The following SDHB variants were observed in gnomAD, a reference collection of about 807,000 sequenced individuals.
SDHB encodes succinate dehydrogenase complex iron sulfur subunit B, also known as succinate dehydrogenase [ubiquinone] iron-sulfur subunit, mitochondrial.
SDHB carries 21 observed loss-of-function variants against 39.7 expected under a neutral mutation model. The observed-to-expected ratio is 0.53, with a 90% confidence interval of 0.37 to 0.76. The LOEUF (loss-of-function observed/expected upper bound fraction) is 0.76, where lower values mean the gene tolerates loss of function less well. Ranked by LOEUF, SDHB falls within the 30% of genes least tolerant of loss-of-function variation. The pLI is 0.00. For missense variants in SDHB, 343 were observed against 350.9 expected, an observed-to-expected ratio of 0.98 and a Z score of 0.18; for synonymous variants, 118 against 117.0, an observed-to-expected ratio of 1.01 and a Z score of -0.06.
Position 17,023,926 on chromosome 1 carries a change from G to A in SDHB, c.642+47C>T, listed in dbSNP as rs201882049. ...AATCTATTGTCCTCTTGGACTTCTG[G>A]ATGCTTGAGTTTCAATTTCTCTTAA... On this transcript the variant is annotated intron_variant, in intron 6 of 7. Transcript: ENST00000375499. 6.8e-5 allele frequency: 97 copies of A among 1,422,140 alleles called. No homozygotes were observed. The highest frequency in any genetic ancestry group is 6.8e-5 in the East Asian group (3 of 44,006). The allele number at this position is 1,422,140 out of a possible 1,614,324, so 88.1% of individuals were successfully genotyped here.
At chr1:17,022,106 C>T (rs1290060548) in intron 7 of SDHB, among the ~76,000 whole-genome samples, 2 of 152,088 alleles carry the variant, frequency 1.3e-5, no homozygotes, top group Non-Finnish European at 1.5e-5. Flanking sequence ...AAAATCCAGG[C>T]CAGAGTGAGC....
chr1:17,050,909 C>A (rs1280273076), intron 1 of SDHB, among the ~76,000 whole-genome samples: 1 of 152,188 alleles, frequency 6.6e-6, no homozygotes, highest in Non-Finnish European at 1.5e-5. Context: ...TAATCTGTCA[C>A]ACACGGTGCC....
chr1:17,032,291 C>T (rs564643520), intron 3 of SDHB, among the ~76,000 whole-genome samples: 87 of 151,762 alleles, frequency 5.7e-4, no homozygotes, highest in Middle Eastern at 6.8e-3. Flanking sequence ...CTCCACCTCC[C>T]GGGTTCCTGC....
intron 7 of SDHB, among the ~76,000 whole-genome samples, chr1:17,020,882 G>C (rs921764004): frequency 2.0e-5 from 3 of 152,146 alleles, no homozygotes; most frequent in African/African-American, 7.2e-5. Flanking sequence ...AAACACAGAG[G>C]GTTTCCAGGC....
chr1:17,042,957 T>TTTTG (rs2078089504), intron 2 of SDHB, among the ~76,000 whole-genome samples: 1 of 86,522 alleles, frequency 1.2e-5, no homozygotes, highest in South Asian at 3.8e-4. Flanking sequence ...TTTATGAGTT[T>TTTTG]TTTTTTTTTT....
chr1:17,044,330 T>A (rs1200492110), intron 2 of SDHB, among the ~76,000 whole-genome samples: 1 of 151,938 alleles, frequency 6.6e-6, no homozygotes, highest in East Asian at 1.9e-4. Flanking sequence ...ACCTCATTTT[T>A]TTTTTTTTTT....
chr1:17,033,891 C>T (rs1035404208), intron 2 of SDHB, among the ~76,000 whole-genome samples: 1 of 152,206 alleles, frequency 6.6e-6, no homozygotes, highest in Non-Finnish European at 1.5e-5. Flanking sequence ...TAATAATCAT[C>T]ATGCAGAAAC....
intron 2 of SDHB, among the ~76,000 whole-genome samples, chr1:17,042,453 C>T (rs2101538849): frequency 6.6e-6 from 1 of 152,146 alleles, no homozygotes; most frequent in East Asian, 1.9e-4. Context: ...TGGAAGTAAA[C>T]CCAAAGATTC....
intron 2 of SDHB, among the ~76,000 whole-genome samples, chr1:17,043,710 TGAA>T (rs754022659): frequency 7.9e-5 from 12 of 152,280 alleles, no homozygotes; most frequent in East Asian, 3.9e-4. Flanking sequence ...AGATGTGATG[TGAA>T]GAAGAACTCA....
chr1:17,020,502 T>C (rs1411545723), intron 7 of SDHB, among the ~76,000 whole-genome samples: 6 of 152,214 alleles, frequency 3.9e-5, no homozygotes, highest in Non-Finnish European at 8.8e-5. Context: ...GAACCTGTTC[T>C]TGGCTGTCTC....
At position 17,025,793 on chromosome 1, in the gene SDHB, G is replaced by T. The variant is rs545635361; in HGVS notation, c.541-1719C>A. 2.0e-5 allele frequency among the ~76,000 whole-genome samples: 3 copies of T among 152,252 alleles called. 1 individual carries two copies. In the South Asian group the frequency reaches 6.2e-4, roughly 32 times the overall value. On this transcript the variant is annotated intron_variant, in intron 5 of 7. Transcript: ENST00000375499. Reference sequence around the variant, plus strand: ...CCAAAAAATGTTAAATGTTTGGTATGTAAATGAGTAAATGAGTAAATTTCT... The same window carrying T: ...CCAAAAAATGTTAAATGTTTGGTATTTAAATGAGTAAATGAGTAAATTTCT...
intron 2 of SDHB, among the ~76,000 whole-genome samples, chr1:17,044,099 C>T (rs1257642278): frequency 1.3e-5 from 2 of 152,050 alleles, no homozygotes; most frequent in Admixed American, 1.3e-4. Flanking sequence ...ACATCCCTAC[C>T]TTGTCCATTC....
chr1:17,049,647 C>CTTATTTTT (rs2078133843), intron 1 of SDHB, among the ~76,000 whole-genome samples: 1 of 52,064 alleles, frequency 1.9e-5, no homozygotes, highest in East Asian at 7.5e-4. Context: ...TCCCCTAGTT[C>CTTATTTTT]TTTTTTTTTT....
intron 2 of SDHB, among the ~76,000 whole-genome samples, chr1:17,034,814 C>T (rs1431904918): frequency 6.6e-6 from 1 of 152,136 alleles, no homozygotes; most frequent in Non-Finnish European, 1.5e-5. Flanking sequence ...TGTTTTAAAT[C>T]GAGACTTTTG....
intron 5 of SDHB, 114 bp from the exon 6 acceptor site, chr1:17,024,188 T>G: frequency 1.3e-6 from 1 of 743,730 alleles, no homozygotes; most frequent in Admixed American, 2.0e-5. Flanking sequence ...CCTACTTGCA[T>G]GTGAATTTTC....
At chr1:17,020,358 C>T (rs1232861297) in intron 7 of SDHB, among the ~76,000 whole-genome samples, 2 of 152,226 alleles carry the variant, frequency 1.3e-5, no homozygotes, top group African/African-American at 4.8e-5. Context: ...CCACCTGGGG[C>T]TCAATTTCCC....
rs547904019 is a variant in SDHB at position 17,043,173 on chromosome 1, C to T, written c.200+1588G>A. On this transcript the variant is annotated intron_variant, in intron 2 of 7. Coordinates refer to ENST00000375499, the MANE Select transcript of SDHB (RefSeq NM_003000.3). The stretch of plus-strand genomic sequence containing the variant: ...ATGGGGTTTCACCATGTTGGCCAGG[C>T]TAGTCTTGAATGCCTGACCCCGAGT... Among the ~76,000 whole-genome samples the T allele has an allele frequency of 2.6e-5, 4 of 152,066 alleles. No individual in the cohort carries two copies. In the East Asian group the frequency reaches 7.7e-4, roughly 29 times the overall value.
At chr1:17,023,752 G>A (rs1014405911) in intron 6 of SDHB, among the ~76,000 whole-genome samples, 1 of 152,188 alleles carries the variant, frequency 6.6e-6, no homozygotes, top group Non-Finnish European at 1.5e-5. Context: ...CACCCCTTTG[G>A]GGTGACCCTC....
In SDHB at chr1:17,035,879, GATAA is replaced by G. The variant is rs1030406666; in HGVS notation, c.201-2738_201-2735del. Among the ~76,000 whole-genome samples the G allele has an allele frequency of 1.3e-4, 20 of 151,302 alleles. 1 individual carries two copies. The highest frequency in any genetic ancestry group is 2.2e-4 in the Non-Finnish European group (15 of 67,922). ...TCTCAAAAAAATAAATAAATAAATA[GATAA>G]ATAAATAAATAAATTCAAATCAAAG... On this transcript the variant is annotated intron_variant, in intron 2 of 7. Transcript: ENST00000375499.
Sources: allele counts gnomAD v4.1 joint callset (sites outside exome capture counted in the v4.1 genomes callset), GRCh38; gene constraint gnomAD v4.1.1; transcripts MANE v1.5; gene names NCBI Gene and HGNC (gene_info 2026-07-23, HGNC 2026-07-21).